The following ACOXL variants were observed in gnomAD, a reference collection of about 807,000 sequenced individuals.
The protein encoded by ACOXL is acyl-coenzyme A oxidase-like protein.
ACOXL carries 70 observed loss-of-function variants against 71.9 expected under a neutral mutation model. That is an observed-to-expected ratio of 0.97 (90% CI 0.80 to 1.19). The LOEUF (loss-of-function observed/expected upper bound fraction) is 1.19. ACOXL is among the 50% of genes most tolerant of loss of function. The probability of loss-of-function intolerance (pLI) is 0.00; values close to 1 mark genes in which losing one functional copy is unlikely to be tolerated. For missense variants in ACOXL, 703 were observed against 736.3 expected, an observed-to-expected ratio of 0.95 and a Z score of 0.52; for synonymous variants, 253 against 281.6, an observed-to-expected ratio of 0.90 and a Z score of 1.02.
chr2:110,784,681 A>T, intron 2 of ACOXL, 51 bp from the exon 3 acceptor site: 1 of 1,389,072 alleles, frequency 7.2e-7, no homozygotes, highest in South Asian at 1.5e-5. Flanking sequence ...TGAATTTAAC[A>T]AGTCAGAAAA....
At chr2:110,762,276 T>G (rs533882972) in intron 1 of ACOXL, among the ~76,000 whole-genome samples, 1 of 152,342 alleles carries the variant, frequency 6.6e-6, no homozygotes, top group South Asian at 2.1e-4. Flanking sequence ...ATTTTTAGAC[T>G]TAAAAAATTC....
At chr2:111,047,077 G>C (rs1297306270) in intron 15 of ACOXL, among the ~76,000 whole-genome samples, 2 of 152,240 alleles carry the variant, frequency 1.3e-5, no homozygotes, top group Non-Finnish European at 2.9e-5. Flanking sequence ...ATGGGGTCCT[G>C]AGGGAGAAAT....
intron 15 of ACOXL, among the ~76,000 whole-genome samples, chr2:111,047,049 G>T (rs1361999210): frequency 6.6e-6 from 1 of 152,200 alleles, no homozygotes; most frequent in Admixed American, 6.5e-5. Context: ...GGACATCATC[G>T]TACAAGAGTC....
At chr2:110,754,845 T>C (rs754486810) in intron 1 of ACOXL, among the ~76,000 whole-genome samples, 4 of 152,222 alleles carry the variant, frequency 2.6e-5, no homozygotes, top group Non-Finnish European at 5.9e-5. Context: ...TCCTAGGGTG[T>C]ATACCTGGGA....
chr2:110,938,839 C>T (rs1022946161), intron 12 of ACOXL, among the ~76,000 whole-genome samples: 2 of 148,126 alleles, frequency 1.4e-5, no homozygotes, highest in African/African-American at 5.0e-5. Context: ...ACCCTGAACA[C>T]TTTTTTTTTT....
intron 11 of ACOXL, among the ~76,000 whole-genome samples, chr2:110,931,735 T>C (rs1032422893): frequency 2.6e-5 from 4 of 152,204 alleles, no homozygotes; most frequent in Non-Finnish European, 5.9e-5. Flanking sequence ...CCATTACATA[T>C]ACACTAGAAT....
At chr2:110,976,882 C>T (rs918788201) in intron 12 of ACOXL, among the ~76,000 whole-genome samples, 5 of 152,112 alleles carry the variant, frequency 3.3e-5, no homozygotes, top group African/African-American at 9.7e-5. Flanking sequence ...GCTCCAACTA[C>T]GAGCAAACTA....
chr2:110,947,737 G>A (rs2061161352), intron 12 of ACOXL, among the ~76,000 whole-genome samples: 1 of 152,158 alleles, frequency 6.6e-6, no homozygotes, highest in Non-Finnish European at 1.5e-5. Context: ...CAAAGCATGG[G>A]GGTCTACAGG....
chr2:110,879,313 G>C (rs1373195654), intron 10 of ACOXL, among the ~76,000 whole-genome samples: 2 of 152,168 alleles, frequency 1.3e-5, no homozygotes, highest in African/African-American at 4.8e-5. Flanking sequence ...CAGCTGGACT[G>C]AGAGGCTGTC....
chr2:111,005,863 C>G (rs2063846848), intron 14 of ACOXL, among the ~76,000 whole-genome samples: 1 of 152,102 alleles, frequency 6.6e-6, no homozygotes, highest in African/African-American at 2.4e-5. Flanking sequence ...ATGATGGACC[C>G]AGACAGAGAA....
chr2:111,038,413 G>A (rs542802795), intron 15 of ACOXL, among the ~76,000 whole-genome samples: 1 of 152,326 alleles, frequency 6.6e-6, no homozygotes, highest in African/African-American at 2.4e-5. Flanking sequence ...CTTTTTAAAT[G>A]TGTTTTCGCT....
chr2:110,968,669 G>C, intron 12 of ACOXL: 2 of 1,149,608 alleles, frequency 1.7e-6, no homozygotes, highest in Middle Eastern at 3.0e-4. Flanking sequence ...AGATCAGATA[G>C]CTCAAAAGAA....
intron 1 of ACOXL, among the ~76,000 whole-genome samples, chr2:110,764,818 G>T (rs991053870): frequency 2.0e-5 from 3 of 152,070 alleles, no homozygotes; most frequent in Admixed American, 1.3e-4. Flanking sequence ...CTCTAAAAAA[G>T]TCTATTAAAA....
intron 16 of ACOXL, among the ~76,000 whole-genome samples, chr2:111,076,646 C>T (rs1164233995): frequency 1.3e-5 from 2 of 151,972 alleles, no homozygotes; most frequent in African/African-American, 4.8e-5. Flanking sequence ...CTTTTCATTC[C>T]TCCATTTCCT....
intron 10 of ACOXL, among the ~76,000 whole-genome samples, chr2:110,906,273 C>T (rs1365990572): frequency 6.6e-6 from 1 of 152,068 alleles, no homozygotes; most frequent in East Asian, 1.9e-4. Flanking sequence ...CGTGGTGGCT[C>T]ACACTTGTAA....
At chr2:111,104,004 C>T (rs2069356512) in intron 17 of ACOXL, among the ~76,000 whole-genome samples, 2 of 152,262 alleles carry the variant, frequency 1.3e-5, no homozygotes, top group Middle Eastern at 3.4e-3. Flanking sequence ...CTCTTTAATC[C>T]CAGGTGACTA....
intron 1 of ACOXL, 128 bp from the exon 2 acceptor site, chr2:110,768,240 G>T: frequency 1.5e-6 from 1 of 674,490 alleles, no homozygotes; most frequent in South Asian, 1.8e-5. Context: ...GACACACACA[G>T]TGTGCACAGT....
At chr2:110,971,294 C>T (rs2062174099) in intron 12 of ACOXL, among the ~76,000 whole-genome samples, 1 of 152,164 alleles carries the variant, frequency 6.6e-6, no homozygotes, top group Non-Finnish European at 1.5e-5. Flanking sequence ...ATTAGAATGG[C>T]TAAAATGAAT....
chr2:111,004,475 G>A (rs1253310387), intron 14 of ACOXL, among the ~76,000 whole-genome samples: 3 of 152,080 alleles, frequency 2.0e-5, no homozygotes, highest in Admixed American at 6.6e-5. Flanking sequence ...CTCCTGCTTG[G>A]TGTAGCCAGA....
Sources: gnomAD v4.1 joint callset for allele counts (sites outside exome capture counted in the v4.1 genomes callset) on GRCh38, gnomAD v4.1.1 for gene constraint, MANE v1.5 for transcripts, NCBI Gene and HGNC (gene_info 2026-07-23, HGNC 2026-07-21) for gene names.